The following KCNIP4 variants were observed in gnomAD, a reference collection of about 807,000 sequenced individuals.
KCNIP4 encodes the protein potassium voltage-gated channel interacting protein 4.
A neutral mutation model predicts 34.0 loss-of-function variants in KCNIP4; 12 were observed. The observed-to-expected ratio is 0.35, with a 90% confidence interval of 0.23 to 0.57. The LOEUF is 0.57. Among genes scored for constraint, KCNIP4 ranks in the 20% least tolerant of loss-of-function variants. KCNIP4 has a pLI of 0.83. For missense variants in KCNIP4, 238 were observed against 311.7 expected, an observed-to-expected ratio of 0.76 and a Z score of 1.78; for synonymous variants, 124 against 102.2, an observed-to-expected ratio of 1.21 and a Z score of -1.29.
At chr4:21,194,034 G>C (rs1377562007) in intron 1 of KCNIP4, among the ~76,000 whole-genome samples, 1 of 152,138 alleles carries the variant, frequency 6.6e-6, no homozygotes, top group African/African-American at 2.4e-5. Flanking sequence ...AGAACACGTG[G>C]AAGCACAGAG....
At chr4:21,372,780 C>T in intron 1 of KCNIP4, among the ~76,000 whole-genome samples, 1 of 146,180 alleles carries the variant, frequency 6.8e-6, no homozygotes, top group Non-Finnish European at 1.5e-5. Context: ...GAGGCTATCA[C>T]ATAATAATTA....
chr4:21,074,597 G>A (rs865947839), intron 1 of KCNIP4, among the ~76,000 whole-genome samples: 1 of 151,854 alleles, frequency 6.6e-6, no homozygotes, highest in Non-Finnish European at 1.5e-5. Context: ...AGCTCCTGGA[G>A]TCATTGATTT....
At chr4:21,288,610 A>G (rs1418836828) in intron 1 of KCNIP4, among the ~76,000 whole-genome samples, 1 of 152,162 alleles carries the variant, frequency 6.6e-6, no homozygotes, top group Non-Finnish European at 1.5e-5. Context: ...TTACTGATGA[A>G]GAAACTGAGA....
intron 1 of KCNIP4, among the ~76,000 whole-genome samples, chr4:21,639,619 A>G (rs1388898702): frequency 6.6e-6 from 1 of 152,216 alleles, no homozygotes; most frequent in Non-Finnish European, 1.5e-5. Context: ...AAAGCAATAT[A>G]AACAACTTCT....
At chr4:20,830,612 A>G (rs1718303579) in intron 3 of KCNIP4, among the ~76,000 whole-genome samples, 1 of 152,164 alleles carries the variant, frequency 6.6e-6, no homozygotes, top group African/African-American at 2.4e-5. Context: ...TTGGTATTTT[A>G]TAATTACTCT....
chr4:21,346,036 T>C (rs1717279040), intron 1 of KCNIP4, among the ~76,000 whole-genome samples: 1 of 141,986 alleles, frequency 7.0e-6, no homozygotes, highest in Non-Finnish European at 1.5e-5. Flanking sequence ...CTGGGTGGAG[T>C]GGCACAATGC....
chr4:21,772,626 A>G (rs2874960), intron 1 of KCNIP4, among the ~76,000 whole-genome samples: 22,582 of 152,058 alleles, frequency 0.15, 5,646 homozygotes, highest in African/African-American at 0.51. Flanking sequence ...TCAGGGATTC[A>G]ACTGCTTCCT....
At chr4:21,000,701 A>G (rs532543155) in intron 1 of KCNIP4, among the ~76,000 whole-genome samples, 1 of 152,168 alleles carries the variant, frequency 6.6e-6, no homozygotes, top group Non-Finnish European at 1.5e-5. Context: ...AGAAAAAAAA[A>G]AAGATAAAAT....
intron 1 of KCNIP4, among the ~76,000 whole-genome samples, chr4:20,926,943 A>G (rs1182468952): frequency 6.6e-6 from 1 of 152,186 alleles, no homozygotes; most frequent in Non-Finnish European, 1.5e-5. Flanking sequence ...CACAATTAGT[A>G]TCATGAAATC....
At chr4:21,883,156 G>GTTT (rs1414582801) in intron 1 of KCNIP4, among the ~76,000 whole-genome samples, 1 of 122,518 alleles carries the variant, frequency 8.2e-6, no homozygotes, top group African/African-American at 3.1e-5. Flanking sequence ...TTTCTGAGTT[G>GTTT]TTGTTTTTTT....
At chr4:21,221,432 G>A (rs909208387) in intron 1 of KCNIP4, among the ~76,000 whole-genome samples, 2 of 152,116 alleles carry the variant, frequency 1.3e-5, no homozygotes, top group Non-Finnish European at 2.9e-5. Flanking sequence ...TTACAATCAT[G>A]GTGGAAGGGG....
intron 1 of KCNIP4, among the ~76,000 whole-genome samples, chr4:21,267,966 A>C (rs909922200): frequency 6.6e-6 from 1 of 151,906 alleles, no homozygotes; most frequent in Non-Finnish European, 1.5e-5. Flanking sequence ...TCAGCTGTGA[A>C]TCCATCTGGT....
intron 1 of KCNIP4, among the ~76,000 whole-genome samples, chr4:21,448,366 T>A (rs1319965627): frequency 6.6e-6 from 1 of 152,096 alleles, no homozygotes; most frequent in Non-Finnish European, 1.5e-5. Flanking sequence ...AGAAACATGT[T>A]ACTGGAAACT....
At position 20,729,617 on chromosome 4, in the gene KCNIP4, A is replaced by ACTATGTG. The variant is rs1428321617; in HGVS notation, c.*464_*465insCACATAG. Reference sequence around the variant, plus strand: ...TGTTTCCTTAAAGTATATAAATGGAATTTAAATGGAATTACAGCATTCAAA... The same window carrying ACTATGTG: ...TGTTTCCTTAAAGTATATAAATGGAACTATGTGTTTAAATGGAATTACAGCATTCAAA... On this transcript the variant is annotated 3_prime_UTR_variant, in exon 9 of 9. Coordinates refer to ENST00000382152, the MANE Select transcript of KCNIP4 (RefSeq NM_025221.6). 1 of 69,722 alleles carries ACTATGTG rather than the reference A, an allele frequency of 1.4e-5. No individual in the cohort carries two copies. The highest frequency in any genetic ancestry group is 7.6e-5 in the African/African-American group (1 of 13,192). The allele number at this position is 69,722 out of a possible 1,614,324, so 4.3% of individuals were successfully genotyped here.
intron 1 of KCNIP4, among the ~76,000 whole-genome samples, chr4:21,746,844 T>C (rs1716813149): frequency 6.6e-6 from 1 of 152,148 alleles, no homozygotes. Flanking sequence ...TGCAAAGCTA[T>C]ATATTAAAAA....
chr4:20,954,113 A>G (rs933922452), intron 1 of KCNIP4, among the ~76,000 whole-genome samples: 6 of 152,182 alleles, frequency 3.9e-5, no homozygotes, highest in African/African-American at 1.2e-4. Flanking sequence ...ATCTTCAAGA[A>G]TAAGTATTAC....
chr4:21,416,931 G>A (rs2109610522), intron 1 of KCNIP4, among the ~76,000 whole-genome samples: 1 of 152,304 alleles, frequency 6.6e-6, no homozygotes, highest in South Asian at 2.1e-4. Flanking sequence ...TAGGGTCAAA[G>A]TCATGCTGAT....
At chr4:20,884,669 T>C (rs1725084351) in intron 1 of KCNIP4, among the ~76,000 whole-genome samples, 1 of 151,520 alleles carries the variant, frequency 6.6e-6, no homozygotes, top group African/African-American at 2.4e-5. Flanking sequence ...TTTTGTCAGC[T>C]GTTCACCAAC....
At chr4:21,939,297 A>C (rs1487840746) in intron 1 of KCNIP4, among the ~76,000 whole-genome samples, 1 of 152,168 alleles carries the variant, frequency 6.6e-6, no homozygotes, top group Non-Finnish European at 1.5e-5. Context: ...GAGGACTTAC[A>C]GGGTGTAGCG....
Sources: gnomAD v4.1 joint callset for allele counts (sites outside exome capture counted in the v4.1 genomes callset) on GRCh38, gnomAD v4.1.1 for gene constraint, MANE v1.5 for transcripts, NCBI Gene and HGNC (gene_info 2026-07-23, HGNC 2026-07-21) for gene names.